Variants in MCF2 observed in about 807,000 individuals in gnomAD.
MCF2 encodes proto-oncogene DBL.
A neutral mutation model predicts 82.5 loss-of-function variants in MCF2; 44 were observed. The observed-to-expected ratio is 0.53, with a 90% confidence interval of 0.42 to 0.69. The LOEUF (loss-of-function observed/expected upper bound fraction) is 0.69. Ranked by LOEUF, MCF2 falls within the 30% of genes least tolerant of loss-of-function variation. MCF2 has a pLI of 0.00. For synonymous variants in MCF2, 217 were observed against 224.9 expected (o/e 0.96, Z 0.32); for missense variants, 623 against 663.1 (o/e 0.94, Z 0.66).
chrX:139,667,764 G>A (rs1307647895), intron 1 of MCF2, among the ~76,000 whole-genome samples: 4 of 111,755 alleles, frequency 3.6e-5, no homozygotes, highest in African/African-American at 1.3e-4. Flanking sequence ...ACTGGAGAGG[G>A]TGGGGCTGTT....
At chrX:139,666,991 T>C (rs1173250370) in intron 1 of MCF2, among the ~76,000 whole-genome samples, 1 of 111,531 alleles carries the variant, frequency 9.0e-6, no homozygotes, top group Non-Finnish European at 1.9e-5. Context: ...CCTGATCTAG[T>C]GTATTATTGA....
intron 12 of MCF2, among the ~76,000 whole-genome samples, chrX:139,606,556 A>C (rs1931033868): frequency 9.0e-6 from 1 of 110,760 alleles, no homozygotes; most frequent in South Asian, 3.9e-4. Flanking sequence ...ACGGGGTTTC[A>C]CCATGTTTGT....
At chrX:139,672,489 A>C (rs1934730374) in intron 1 of MCF2, among the ~76,000 whole-genome samples, 1 of 112,397 alleles carries the variant, frequency 8.9e-6, no homozygotes, top group Non-Finnish European at 1.9e-5. Flanking sequence ...GATACATTCC[A>C]TCAATACCTA....
chrX:139,625,429 C>T (rs183997791), intron 6 of MCF2, among the ~76,000 whole-genome samples: 30 of 111,490 alleles, frequency 2.7e-4, no homozygotes, highest in African/African-American at 9.4e-4. Flanking sequence ...GGAGAGAAAA[C>T]GCTAGTGGTA....
intron 10 of MCF2, among the ~76,000 whole-genome samples, chrX:139,611,651 A>G (rs146894351): frequency 0.012 from 1,327 of 112,061 alleles, 21 homozygotes; most frequent in African/African-American, 0.04. Flanking sequence ...CTCTGTGTTT[A>G]GGGATACAAA....
intron 1 of MCF2, among the ~76,000 whole-genome samples, chrX:139,666,576 G>A (rs1934527264): frequency 9.0e-6 from 1 of 111,382 alleles, no homozygotes; most frequent in African/African-American, 3.3e-5. Context: ...GAAATCTGCT[G>A]TTAGTCTGAT....
At chrX:139,623,524 T>C (rs1012462075) in intron 6 of MCF2, among the ~76,000 whole-genome samples, 16 of 111,359 alleles carry the variant, frequency 1.4e-4, no homozygotes, top group African/African-American at 5.2e-4. Context: ...AAGTTAAGCA[T>C]TGGTTACACA....
chrX:139,641,887 T>G (rs760624468), intron 1 of MCF2, among the ~76,000 whole-genome samples: 1 of 111,658 alleles, frequency 9.0e-6, no homozygotes, highest in African/African-American at 3.2e-5. Context: ...AAAAGTGAGT[T>G]ACTGTCTTTT....
rs72616294 is a variant in MCF2 at position 139,704,004 on chromosome X, A to G, written c.-45+4102T>C. Among the ~76,000 whole-genome samples the G allele has an allele frequency of 0.014, 1,605 of 111,929 alleles. 56 individuals carry two copies. The East Asian group carries it at 0.15, about 11-fold the overall frequency. ...CTGGAAAGAAGCAAATCTGTTACAGAGGATCAATAGGCACAGAGAAAGCTT... is the reference window on the plus strand; with the variant it reads ...CTGGAAAGAAGCAAATCTGTTACAGGGGATCAATAGGCACAGAGAAAGCTT... On this transcript the variant is annotated intron_variant, in intron 1 of 27. Transcript: ENST00000414978.
At chrX:139,597,404 A>G in intron 18 of MCF2, 56 bp downstream of exon 22, 2 of 927,621 alleles carry the variant, frequency 2.2e-6, no homozygotes, top group Non-Finnish European at 3.1e-6. Context: ...GGAGGGGAAA[A>G]GGGATGTTGA....
chrX:139,635,929 A>G (rs752571505), intron 1 of MCF2, among the ~76,000 whole-genome samples: 1 of 110,727 alleles, frequency 9.0e-6, no homozygotes, highest in African/African-American at 3.3e-5. Flanking sequence ...TGTGTTCATA[A>G]CTTCTTATTT....
rs774693423 is a variant in MCF2, at chrX:139,615,088, T to C, written c.1192-36A>G. The C allele has an allele frequency of 2.8e-6, 3 of 1,073,858 alleles. No homozygotes were observed. The Admixed American group carries it at 6.9e-5, about 25-fold the overall frequency. 88.5% of individuals were successfully genotyped at this position (1,073,858 alleles called of 1,213,427 possible). A position where few individuals can be genotyped will look rare whatever the true frequency, so the allele number is the denominator to read the frequency against. ...TATAAGAATTATAGGAAATATTTTA[T>C]GAAATGAGGTCATTACAAACCCCAT... On this transcript the variant is annotated intron_variant, in intron 9 of 24. Transcript: ENST00000370576.
At chrX:139,584,128 C>CATTTTTTTTTT (rs1184841644) in intron 24 of MCF2, among the ~76,000 whole-genome samples, 1 of 72,643 alleles carries the variant, frequency 1.4e-5, no homozygotes, top group African/African-American at 5.7e-5. Flanking sequence ...TGCCATTATC[C>CATTTTTTTTTT]TTTTTTTTTT....
intron 1 of MCF2, among the ~76,000 whole-genome samples, chrX:139,672,371 G>A (rs923466581): frequency 1.8e-5 from 2 of 112,660 alleles, no homozygotes; most frequent in South Asian, 7.4e-4. Context: ...AGTGGTGAGA[G>A]GGGGCACCCC....
At chrX:139,586,299 G>T in intron 23 of MCF2, 79 bp downstream of exon 27, 1 of 705,991 alleles carries the variant, frequency 1.4e-6, no homozygotes, top group Non-Finnish European at 2.2e-6. Context: ...ATACCAAGTG[G>T]GTAGATTTCC....
intron 11 of MCF2, among the ~76,000 whole-genome samples, chrX:139,608,932 A>T (rs1413131664): frequency 8.9e-6 from 1 of 111,928 alleles, no homozygotes; most frequent in Non-Finnish European, 1.9e-5. Context: ...TTCGTGTATC[A>T]GTATAGACCA....
chrX:139,649,264 T>A (rs1444163300), intron 2 of MCF2, among the ~76,000 whole-genome samples: 1 of 111,724 alleles, frequency 9.0e-6, no homozygotes, highest in Non-Finnish European at 1.9e-5. Context: ...TATTCCAGAA[T>A]TAGAGTAGAG....
intron 15 of MCF2, among the ~76,000 whole-genome samples, chrX:139,603,955 A>G (rs556264269): frequency 8.9e-6 from 1 of 112,654 alleles, no homozygotes; most frequent in South Asian, 3.7e-4. Context: ...TAAGACATCT[A>G]TTTTGAAGCT....
intron 1 of MCF2, among the ~76,000 whole-genome samples, chrX:139,706,217 G>A (rs141206634): frequency 0.011 from 1,215 of 112,424 alleles, 15 homozygotes; most frequent in African/African-American, 0.037. Context: ...CCCATTACTG[G>A]GTATGTACCC....
Sources: gnomAD v4.1 joint callset for allele counts (sites outside exome capture counted in the v4.1 genomes callset) on GRCh38, gnomAD v4.1.1 for gene constraint, MANE v1.5 for transcripts, NCBI Gene and HGNC (gene_info 2026-07-23, HGNC 2026-07-21) for gene names.